Variants in TM9SF2 observed in about 807,000 individuals in gnomAD.
The protein encoded by TM9SF2 is 76 kDa membrane protein.
In TM9SF2, 13 loss-of-function variants were observed where a neutral mutation model predicts 84.9. The observed-to-expected ratio is 0.15, with a 90% confidence interval of 0.10 to 0.24. The LOEUF (loss-of-function observed/expected upper bound fraction) is 0.24, where lower values mean the gene tolerates loss of function less well. TM9SF2 is among the 10% of genes least tolerant of loss of function. The probability of loss-of-function intolerance (pLI) is 1.00; values close to 1 mark genes in which losing one functional copy is unlikely to be tolerated. For synonymous variants in TM9SF2, 273 were observed against 285.8 expected, an observed-to-expected ratio of 0.96 and a Z score of 0.45; for missense variants, 562 against 818.5, an observed-to-expected ratio of 0.69 and a Z score of 3.82.
At chr13:99,526,378 G>A (rs1423239699) in intron 3 of TM9SF2, among the ~76,000 whole-genome samples, 1 of 152,250 alleles carries the variant, frequency 6.6e-6, no homozygotes, top group East Asian at 1.9e-4. Flanking sequence ...AACACAGGAT[G>A]TGAGGACATC....
At chr13:99,561,941 A>G (rs2046346423) in intron 16 of TM9SF2, among the ~76,000 whole-genome samples, 1 of 152,126 alleles carries the variant, frequency 6.6e-6, no homozygotes, top group South Asian at 2.1e-4. Context: ...TAGCATTCAA[A>G]TTCTTTGGAA....
chr13:99,555,932 C>G (rs2046323136), intron 15 of TM9SF2, among the ~76,000 whole-genome samples: 1 of 151,964 alleles, frequency 6.6e-6, no homozygotes, highest in African/African-American at 2.4e-5. Flanking sequence ...AAAATTAATA[C>G]TTTTGTGATA....
In TM9SF2 at chr13:99,505,152, C is replaced by CTTT. The variant is rs35156746; in HGVS notation, c.171+3390_171+3392dup. Among the ~76,000 whole-genome samples, 282 of 135,008 alleles carry CTTT rather than the reference C, an allele frequency of 2.1e-3. 4 individuals carry two copies. The Middle Eastern group carries it at 0.035, about 17-fold the overall frequency. 88.6% of individuals were successfully genotyped at this position (135,008 alleles called of 152,430 possible). A position where few individuals can be genotyped will look rare whatever the true frequency, so the allele number is the denominator to read the frequency against. ...AATAGTGATGTGATGGTCCCTAAGA[C>CTTT]TTTTTTTTTTTTTTTTTGAGACGGA... On this transcript the variant is annotated intron_variant, in intron 1 of 16. Transcript: ENST00000376387.
chr13:99,525,843 C>A (rs1320304073), intron 3 of TM9SF2, among the ~76,000 whole-genome samples: 1 of 152,176 alleles, frequency 6.6e-6, no homozygotes, highest in African/African-American at 2.4e-5. Context: ...GCGTGAGCCA[C>A]CGCGCCCGGC....
chr13:99,521,965 C>G (rs1440107637), intron 3 of TM9SF2, among the ~76,000 whole-genome samples: 1 of 152,256 alleles, frequency 6.6e-6, no homozygotes, highest in East Asian at 1.9e-4. Context: ...CCTCAGCCTT[C>G]CAAAGGGTTG....
rs181624916 is a variant in TM9SF2 at position 99,556,873 on chromosome 13, A to G, written c.1752+1226A>G. On this transcript the variant is annotated intron_variant, in intron 15 of 16. Coordinates refer to ENST00000376387, the MANE Select transcript of TM9SF2 (RefSeq NM_004800.3). ...CGTGCTGGGATTACAGACGTGAGCC[A>G]CCGCGCCTGGCCACTTCATTCCTTT... Among the ~76,000 whole-genome samples, 195 of 152,308 alleles carry G rather than the reference A, an allele frequency of 1.3e-3. 1 individual carries two copies. The highest frequency in any genetic ancestry group is 3.9e-3 in the South Asian group (19 of 4,826).
intron 1 of TM9SF2, among the ~76,000 whole-genome samples, chr13:99,503,424 C>CA (rs1467350892): frequency 6.6e-6 from 1 of 152,076 alleles, no homozygotes; most frequent in African/African-American, 2.4e-5. Context: ...GAAGAAGTGA[C>CA]AGGGCCAGGT....
At chr13:99,549,249 T>G in intron 12 of TM9SF2, 27 bp downstream of exon 12, 2 of 1,600,068 alleles carry the variant, frequency 1.2e-6, no homozygotes, top group Non-Finnish European at 1.7e-6. Flanking sequence ...AGAATTACTT[T>G]CTTAACATAG....
chr13:99,517,228 C>T lies in TM9SF2; in HGVS notation c.172-386C>T, dbSNP rs929060094. On this transcript the variant is annotated intron_variant, in intron 1 of 16. Coordinates refer to ENST00000376387, the MANE Select transcript of TM9SF2 (RefSeq NM_004800.3). ...TCCTGGGCTCAAGTGATCTTCCTGC[C>T]TCAGCCTCACAAGTAGCTAGGAATA... Among the ~76,000 whole-genome samples, 115 of 152,178 alleles carry T rather than the reference C, an allele frequency of 7.6e-4. 1 individual carries two copies. The highest frequency in any genetic ancestry group is 2.7e-3 in the African/African-American group (113 of 41,516).
Position 99,547,043 on chromosome 13 carries a change from T to C in TM9SF2, c.1209T>C (p.Ala403=). 6.2e-7 allele frequency: 1 copy of C among 1,614,220 alleles called. No homozygotes were observed. The highest frequency in any genetic ancestry group is 8.5e-7 in the Non-Finnish European group (1 of 1,180,032). ...ACCGAGGAGCGCTGATGACGTGTGC[T>C]GTGGTCCTGTGGGTGCTGCTGGGCA... ...PANRGALMTC[A]VVLWVLLGTP... is the part of the protein sequence containing the mutation. Residue 403 remains alanine (A), a synonymous_variant, in exon 11 of 17, where the codon GCT becomes GCC. Transcript: ENST00000376387.
intron 4 of TM9SF2, 87 bp from the exon 5 acceptor site, chr13:99,536,521 T>C (rs1188016084): frequency 6.7e-7 from 1 of 1,488,452 alleles, no homozygotes; most frequent in Non-Finnish European, 9.1e-7. Flanking sequence ...ATTTAAATTT[T>C]ACAAAGTGAT....
At chr13:99,508,443 A>ACACACACACACACACACACACACC (rs1311954976) in intron 1 of TM9SF2, among the ~76,000 whole-genome samples, 20 of 147,560 alleles carry the variant, frequency 1.4e-4, no homozygotes, top group Middle Eastern at 6.9e-3. Flanking sequence ...ACACACACAC[A>ACACACACACACACACACACACACC]CCCCAGAGAT....
intron 1 of TM9SF2, among the ~76,000 whole-genome samples, chr13:99,503,495 A>T (rs2139065095): frequency 6.6e-6 from 1 of 152,194 alleles, no homozygotes; most frequent in Admixed American, 6.5e-5. Flanking sequence ...GATCACCTGA[A>T]GTCAGGAGTT....
At chr13:99,547,218 T>G in intron 11 of TM9SF2, 114 bp downstream of exon 11, 1 of 1,447,170 alleles carries the variant, frequency 6.9e-7, no homozygotes, top group Non-Finnish European at 9.3e-7. Flanking sequence ...CTCATAGGGG[T>G]CTGTTCTTAG....
intron 6 of TM9SF2, among the ~76,000 whole-genome samples, chr13:99,538,939 T>A (rs1247659808): frequency 6.6e-6 from 1 of 151,210 alleles, no homozygotes. Context: ...GCATGGTGGC[T>A]CATGTTGTAA....
chr13:99,532,860 T>A (rs1019184847), intron 4 of TM9SF2, among the ~76,000 whole-genome samples: 1 of 152,198 alleles, frequency 6.6e-6, no homozygotes. Context: ...CTTCAACTAT[T>A]CTGCTTTAAA....
intron 3 of TM9SF2, among the ~76,000 whole-genome samples, 195 bp from the exon 4 acceptor site, chr13:99,529,272 C>T (rs906053258): frequency 6.6e-6 from 1 of 151,882 alleles, no homozygotes; most frequent in African/African-American, 2.4e-5. Flanking sequence ...AACTTGATGA[C>T]GAGTCTTTAG....
intron 1 of TM9SF2, among the ~76,000 whole-genome samples, chr13:99,513,460 C>T (rs546224840): frequency 2.6e-5 from 4 of 152,232 alleles, no homozygotes; most frequent in Middle Eastern, 6.8e-3. Context: ...ATAAGCTAAG[C>T]AAAAATTTGT....
intron 1 of TM9SF2, among the ~76,000 whole-genome samples, chr13:99,503,771 A>C (rs1199540053): frequency 6.6e-6 from 1 of 152,026 alleles, no homozygotes; most frequent in Non-Finnish European, 1.5e-5. Flanking sequence ...TAGAAAATGA[A>C]TAAGTGAAAC....
Sources: allele counts gnomAD v4.1 joint callset (sites outside exome capture counted in the v4.1 genomes callset), GRCh38; gene constraint gnomAD v4.1.1; transcripts MANE v1.5; gene names NCBI Gene and HGNC (gene_info 2026-07-23, HGNC 2026-07-21).